The following ZNF398 variants were observed in gnomAD, a reference collection of about 807,000 sequenced individuals.
ZNF398 encodes the protein zinc finger DNA binding protein ZER6.
ZNF398 carries 18 observed loss-of-function variants against 41.9 expected under a neutral mutation model. That is an observed-to-expected ratio of 0.43 (90% confidence interval 0.30 to 0.64). The LOEUF is 0.64. Ranked by LOEUF, ZNF398 falls within the 30% of genes least tolerant of loss-of-function variation. ZNF398 has a pLI of 0.14. For synonymous variants in ZNF398, 260 were observed against 308.8 expected (o/e 0.84, Z 1.66); for missense variants, 669 against 822.8 (o/e 0.81, Z 2.29).
intron 2 of ZNF398, among the ~76,000 whole-genome samples, chr7:149,131,715 A>G (rs750020469): frequency 6.6e-6 from 1 of 152,092 alleles, no homozygotes; most frequent in African/African-American, 2.4e-5. Context: ...ACAAACAAAA[A>G]ACATATGCAG....
At chr7:149,147,242 G>A (rs1436450830), upstream of ZNF398, 1 of 152,196 alleles carries the variant, frequency 6.6e-6, no homozygotes, top group Non-Finnish European at 1.5e-5. This position sits in a 1 kb window ranked among gnomAD's most constrained non-coding sequence, Gnocchi z 5.6. Context: ...CCTAAACTGC[G>A]GTGAGCTGAA....
Position 149,147,467 on chromosome 7 carries a change from C to T in ZNF398, c.-276C>T, listed in dbSNP as rs1826976439. On this transcript the variant is annotated 5_prime_UTR_variant, in exon 1 of 6. Coordinates refer to ENST00000475153, the MANE Select transcript of ZNF398 (RefSeq NM_170686.3). The surrounding 1 kb of genome is among the most constrained non-coding windows in gnomAD (Gnocchi z 5.6). ...CGGTTCCCGGTGCACTCGCTGCCCA[C>T]AAAGCGCCAGCTGAGGGGCCGCTGC... is the stretch of plus-strand genomic sequence containing the variant. 1 of 266,428 alleles carries T rather than the reference C, an allele frequency of 3.8e-6. No homozygotes were observed. The highest frequency in any genetic ancestry group is 7.0e-6 in the Non-Finnish European group (1 of 143,294). The allele number at this position is 266,428 out of a possible 1,614,324, so 16.5% of individuals were successfully genotyped here.
At position 149,183,024 on chromosome 7, in the gene ZNF398, T is replaced by TAAAA. The variant is rs1204360454; in HGVS notation, c.*3238_*3241dup. 1.7e-3 allele frequency among the ~76,000 whole-genome samples: 213 copies of TAAAA among 125,400 alleles called. 1 individual carries two copies. Among genetic ancestry groups the TAAAA allele is most frequent in the African/African-American group, 5.5e-3 (181 of 32,890 alleles). 82.3% of individuals were successfully genotyped at this position (125,400 alleles called of 152,430 possible). A position where few individuals can be genotyped will look rare whatever the true frequency, so the allele number is the denominator to read the frequency against. ...CAGTCCACACAAGCCTCGTTGATAT[T>TAAAA]AAAAAAAAAAAAAAAAAAGGACCTC... On this transcript the variant is annotated 3_prime_UTR_variant, in exon 6 of 6. Coordinates refer to ENST00000475153, the MANE Select transcript of ZNF398 (RefSeq NM_170686.3).
chr7:149,175,320 C>T (rs1042163342), intron 4 of ZNF398, among the ~76,000 whole-genome samples: 2 of 151,648 alleles, frequency 1.3e-5, no homozygotes. Context: ...CTCTTGTCAG[C>T]TTGCCAACTT....
chr7:149,155,725 TTTTTA>T (rs1438149453), intron 2 of ZNF398, among the ~76,000 whole-genome samples: 2,605 of 52,600 alleles, frequency 0.05, 115 homozygotes, highest in African/African-American at 0.12. Flanking sequence ...TTTTTTTTTT[TTTTTA>T]ATTTTTTTTT....
chr7:149,154,924 G>A (rs1794935024), intron 2 of ZNF398, among the ~76,000 whole-genome samples: 2 of 151,614 alleles, frequency 1.3e-5, no homozygotes, highest in African/African-American at 4.8e-5. Flanking sequence ...AGGAGTTGGA[G>A]GTTGCAGTGA....
chr7:149,170,126 G>A (rs1385441020), intron 4 of ZNF398, among the ~76,000 whole-genome samples: 2 of 152,168 alleles, frequency 1.3e-5, no homozygotes, highest in Non-Finnish European at 2.9e-5. Context: ...CAGACTCATA[G>A]AAGGAAAGCA....
intron 2 of ZNF398, among the ~76,000 whole-genome samples, chr7:149,158,915 A>G (rs1227927259): frequency 6.6e-6 from 1 of 152,080 alleles, no homozygotes; most frequent in Admixed American, 6.6e-5. Flanking sequence ...ATCTGGAATA[A>G]GTGGTTAACA....
chr7:149,128,526 TGCCTG>T (rs1317996025), intron 1 of ZNF398, among the ~76,000 whole-genome samples: 1 of 151,962 alleles, frequency 6.6e-6, no homozygotes, highest in Admixed American at 6.6e-5. Context: ...GCAGTAGGAT[TGCCTG>T]AGCACAGGAG....
At chr7:149,153,295 C>A (rs1794899973) in intron 1 of ZNF398, among the ~76,000 whole-genome samples, 1 of 152,066 alleles carries the variant, frequency 6.6e-6, no homozygotes, top group Middle Eastern at 3.2e-3. Flanking sequence ...AATGAGACAC[C>A]AAGACCCCGT....
At chr7:149,150,751 C>A (rs958521480) in intron 1 of ZNF398, among the ~76,000 whole-genome samples, 2 of 152,052 alleles carry the variant, frequency 1.3e-5, no homozygotes, top group Non-Finnish European at 2.9e-5. Flanking sequence ...TGCTCTGTCA[C>A]CATGCTGGAG....
At chr7:149,135,103 AAG>A (rs1426168732) in intron 2 of ZNF398, among the ~76,000 whole-genome samples, 1 of 152,210 alleles carries the variant, frequency 6.6e-6, no homozygotes, top group Non-Finnish European at 1.5e-5. Context: ...AGGCATTTGA[AAG>A]TGGTTTATTT....
chr7:149,166,275 A>G lies in ZNF398; in HGVS notation c.538A>G (p.Ile180Val). The stretch of plus-strand genomic sequence containing the variant: ...CATGAAGGGCAACTACGAGTCTCTC[A>G]TCTCCATGGGTGAGGCTGAGTTGAC... ...NIMKGNYESL[I>V]SMDYAINQPD... is the part of the protein sequence containing the mutation. The change falls in exon 3 of 6, where the codon ATC (isoleucine) becomes GTC (valine). Residue 180 changes from isoleucine (I) to valine (V), a missense_variant. Ile to Val is a conservative substitution (Grantham distance 29). Around this residue, in one of 3 missense-constraint regions of ZNF398, gnomAD observed 169 missense variants for 239.5 expected, o/e 0.71. Transcript: ENST00000475153. 1 of 1,613,976 alleles carries G rather than the reference A, an allele frequency of 6.2e-7. No homozygotes were observed. The highest frequency in any genetic ancestry group is 8.5e-7 in the Non-Finnish European group (1 of 1,179,910).
intron 2 of ZNF398, among the ~76,000 whole-genome samples, chr7:149,140,908 G>A (rs1262997601): frequency 6.6e-6 from 1 of 151,712 alleles, no homozygotes; most frequent in Non-Finnish European, 1.5e-5. Context: ...GGTGTAGCAG[G>A]GTGGGCCTGT....
At chr7:149,144,482 A>AT (rs1472129381), upstream of ZNF398, among the ~76,000 whole-genome samples, 4 of 151,782 alleles carry the variant, frequency 2.6e-5, no homozygotes, top group Non-Finnish European at 5.9e-5. Flanking sequence ...TAATTTTTGT[A>AT]TTTTTTTATG....
At chr7:149,148,378 A>T in intron 1 of ZNF398, 1 of 966,740 alleles carries the variant, frequency 1.0e-6, no homozygotes, top group Non-Finnish European at 1.2e-6. Context: ...GCCAGTTGCC[A>T]GGGCGACCGA....
At chr7:149,155,707 A>ATTTTTTTTTTTTTTT (rs1359986695) in intron 2 of ZNF398, among the ~76,000 whole-genome samples, 3 of 73,578 alleles carry the variant, frequency 4.1e-5, no homozygotes, top group African/African-American at 6.8e-5. Context: ...ATATATATAT[A>ATTTTTTTTTTTTTTT]TTTTTTTTTT....
intron 1 of ZNF398, among the ~76,000 whole-genome samples, chr7:149,152,768 T>C (rs1444416238): frequency 2.0e-5 from 3 of 151,936 alleles, no homozygotes; most frequent in Non-Finnish European, 4.4e-5. Context: ...TTTCTCCACG[T>C]TGGTCAGGCA....
chr7:149,176,430 G>A, intron 4 of ZNF398, 38 bp from the exon 5 acceptor site: 1 of 1,401,508 alleles, frequency 7.1e-7, no homozygotes, highest in Non-Finnish European at 1.0e-6. Flanking sequence ...TCTTATTCAA[G>A]TTCATGAAGG....
Sources: allele counts gnomAD v4.1 joint callset (sites outside exome capture counted in the v4.1 genomes callset), GRCh38; gene constraint gnomAD v4.1.1; regional missense constraint gnomAD v4.1.1; non-coding constraint Gnocchi (gnomAD v3.1); transcripts MANE v1.5; gene names NCBI Gene and HGNC (gene_info 2026-07-23, HGNC 2026-07-21).